The following DOP1B variants were observed in gnomAD, a reference collection of about 807,000 sequenced individuals.
DOP1B encodes DOP1 leucine zipper like protein B, also known as protein DOP1B.
DOP1B carries 174 observed loss-of-function variants against 233.5 expected under a neutral mutation model. The observed-to-expected ratio is 0.75, with a 90% confidence interval of 0.66 to 0.85. The LOEUF (loss-of-function observed/expected upper bound fraction) is 0.85, where lower values mean the gene tolerates loss of function less well. DOP1B is among the 40% of genes least tolerant of loss of function. DOP1B has a pLI of 0.00. For synonymous variants in DOP1B, 1,190 were observed against 1,185.6 expected (o/e 1.00, Z -0.08); for missense variants, 2,652 against 2,846.6 (o/e 0.93, Z 1.56).
intron 2 of DOP1B, among the ~76,000 whole-genome samples, chr21:36,186,637 C>T (rs1198053344): frequency 1.3e-5 from 2 of 152,118 alleles, no homozygotes; most frequent in Non-Finnish European, 2.9e-5. Context: ...CTTCCTCAGC[C>T]TCCCCTGACA....
intron 23 of DOP1B, among the ~76,000 whole-genome samples, chr21:36,259,519 C>T (rs924285879): frequency 5.9e-5 from 9 of 152,176 alleles, no homozygotes; most frequent in South Asian, 4.1e-4. Context: ...GTGATCCACC[C>T]GCCTTGGCTT....
intron 2 of DOP1B, among the ~76,000 whole-genome samples, chr21:36,173,065 A>G (rs2065987572): frequency 6.6e-6 from 1 of 151,658 alleles, no homozygotes; most frequent in Non-Finnish European, 1.5e-5. Context: ...GGTTGCAGTG[A>G]GCCAAGATTG....
intron 2 of DOP1B, among the ~76,000 whole-genome samples, chr21:36,168,555 A>G (rs2065938509): frequency 6.7e-6 from 1 of 149,226 alleles, no homozygotes; most frequent in African/African-American, 2.5e-5. Context: ...TTTTTTTGAC[A>G]CTCGCTCTGT....
intron 4 of DOP1B, among the ~76,000 whole-genome samples, 166 bp from the exon 5 acceptor site, chr21:36,208,549 A>G (rs1163441107): frequency 1.3e-5 from 2 of 152,206 alleles, no homozygotes; most frequent in African/African-American, 2.4e-5. Flanking sequence ...AGGTGGACAC[A>G]CACAGCAGGG....
chr21:36,196,061 C>A (rs1203495088), intron 2 of DOP1B, among the ~76,000 whole-genome samples: 1 of 152,226 alleles, frequency 6.6e-6, no homozygotes, highest in Non-Finnish European at 1.5e-5. Context: ...AGAAAGGGAT[C>A]CTGCTGTGTG....
At chr21:36,174,705 G>A (rs1038455345) in intron 2 of DOP1B, among the ~76,000 whole-genome samples, 2 of 152,164 alleles carry the variant, frequency 1.3e-5, no homozygotes, top group Non-Finnish European at 1.5e-5. Flanking sequence ...TAGAGACAGG[G>A]TTTCACTATG....
intron 18 of DOP1B, 117 bp from the exon 19 acceptor site, chr21:36,244,931 T>G: frequency 3.7e-6 from 4 of 1,067,154 alleles, no homozygotes; most frequent in Non-Finnish European, 5.3e-6. Context: ...GTGTTTCATG[T>G]GAGAATTTTA....
At chr21:36,254,733 C>CTCT (rs56167502) in intron 23 of DOP1B, among the ~76,000 whole-genome samples, 1 of 151,960 alleles carries the variant, frequency 6.6e-6, no homozygotes, top group East Asian at 1.9e-4. Flanking sequence ...TCAGGGGTCT[C>CTCT]GCAGGAACAA....
At chr21:36,183,449 G>T (rs1342646839) in intron 2 of DOP1B, among the ~76,000 whole-genome samples, 1 of 152,204 alleles carries the variant, frequency 6.6e-6, no homozygotes, top group Non-Finnish European at 1.5e-5. Flanking sequence ...CACAACCCTG[G>T]ACCATCCTCA....
intron 25 of DOP1B, 40 bp from the exon 26 acceptor site, chr21:36,263,708 C>T (rs2067201352): frequency 6.2e-7 from 1 of 1,613,452 alleles, no homozygotes; most frequent in Admixed American, 1.7e-5. Context: ...TATTTTATTT[C>T]TGCAGCATTT....
chr21:36,256,183 G>A (rs1007523015), intron 23 of DOP1B, among the ~76,000 whole-genome samples: 3 of 152,082 alleles, frequency 2.0e-5, no homozygotes, highest in Non-Finnish European at 2.9e-5. Context: ...TGAAAATTAG[G>A]GGGGCCGGGC....
Position 36,289,166 on chromosome 21 carries a change from G to A in DOP1B, c.6475G>A (p.Ala2159Thr), listed in dbSNP as rs761641284. Residue 2159 changes from alanine to threonine, a missense_variant, in exon 35 of 37, where the codon GCG (alanine) becomes ACG (threonine). By Grantham distance (58) the Ala-to-Thr change is moderately conservative. This residue lies in a region of DOP1B where 2,617 missense variants were observed against 2,794.3 expected (regional missense o/e 0.94). Coordinates refer to ENST00000691173, the MANE Select transcript of DOP1B (RefSeq NM_001320714.2). ...ATCAGCTTGCAAATTCTTGGACACA[G>A]CGCTTTCTTTTCCACCTGACAAGAT... ...YLSACKFLDT[A>T]LSFPPDKMPL... 2 of 1,614,020 alleles carry A rather than the reference G, an allele frequency of 1.2e-6. No individual in the cohort carries two copies. The highest frequency in any genetic ancestry group is 1.7e-6 in the Non-Finnish European group (2 of 1,179,998).
chr21:36,201,102 C>G (rs1472005754), intron 4 of DOP1B, among the ~76,000 whole-genome samples: 1 of 152,166 alleles, frequency 6.6e-6, no homozygotes, highest in Non-Finnish European at 1.5e-5. Context: ...GAGTTACCCA[C>G]AGAGTCACCA....
chr21:36,230,404 C>A, intron 13 of DOP1B, 46 bp from the exon 14 acceptor site: 1 of 1,541,724 alleles, frequency 6.5e-7, no homozygotes, highest in South Asian at 1.2e-5. Flanking sequence ...ACTTAAATAG[C>A]TTGGTGTTAA....
At chr21:36,243,572 C>T (rs1284545281) in intron 18 of DOP1B, among the ~76,000 whole-genome samples, 1 of 152,056 alleles carries the variant, frequency 6.6e-6, no homozygotes, top group Non-Finnish European at 1.5e-5. Flanking sequence ...TTGTTAATGG[C>T]TTGCAGGTAG....
intron 2 of DOP1B, among the ~76,000 whole-genome samples, chr21:36,198,200 C>T (rs58061985): frequency 0.18 from 27,368 of 151,812 alleles, 2,621 homozygotes; most frequent in African/African-American, 0.24. Flanking sequence ...GAGGCCGAGG[C>T]GGGTGGATCA....
chr21:36,269,004 G>T (rs2067259001), intron 26 of DOP1B, among the ~76,000 whole-genome samples: 1 of 152,078 alleles, frequency 6.6e-6, no homozygotes. Flanking sequence ...ACTCCAGCCT[G>T]GTTGACAGAG....
At chr21:36,191,541 T>C (rs538325126) in intron 2 of DOP1B, among the ~76,000 whole-genome samples, 2 of 152,260 alleles carry the variant, frequency 1.3e-5, no homozygotes, top group Admixed American at 1.3e-4. Flanking sequence ...ATCCCAACAC[T>C]TTGGGAGGCC....
chr21:36,277,631 C>CT (rs57075585), intron 28 of DOP1B, among the ~76,000 whole-genome samples: 4 of 149,924 alleles, frequency 2.7e-5, no homozygotes, highest in Non-Finnish European at 4.4e-5. Flanking sequence ...TGTTTTCTTT[C>CT]TTTTTTTTTT....
Sources: allele counts gnomAD v4.1 joint callset (sites outside exome capture counted in the v4.1 genomes callset), GRCh38; gene constraint gnomAD v4.1.1; regional missense constraint gnomAD v4.1.1; transcripts MANE v1.5; gene names NCBI Gene and HGNC (gene_info 2026-07-23, HGNC 2026-07-21).